The following PSMB2 variants were observed in gnomAD, a reference collection of about 807,000 sequenced individuals.
PSMB2 encodes the protein proteasome 20S subunit beta 2.
A neutral mutation model predicts 25.7 loss-of-function variants in PSMB2; 13 were observed. That is an observed-to-expected ratio of 0.51 (90% CI 0.33 to 0.80). PSMB2 has a LOEUF of 0.80. Ranked by LOEUF, PSMB2 falls within the 30% of genes least tolerant of loss-of-function variation. The pLI is 0.02. For missense variants in PSMB2, 202 were observed against 259.0 expected, an observed-to-expected ratio of 0.78 and a Z score of 1.51; for synonymous variants, 87 against 96.2, an observed-to-expected ratio of 0.90 and a Z score of 0.56.
At position 35,613,962 on chromosome 1, in the gene PSMB2, C is replaced by A. The variant is rs146654487; in HGVS notation, c.286-4554G>T. 1.2e-4 allele frequency among the ~76,000 whole-genome samples: 19 copies of A among 152,264 alleles called. No homozygotes were observed. The East Asian group carries it at 3.5e-3, about 28-fold the overall frequency. ...ACAATGCAAGTACTCAGGAGAAGCCCAACTACTTCTGGCACTGAGATACGA... is the reference window on the plus strand; with the variant it reads ...ACAATGCAAGTACTCAGGAGAAGCCAAACTACTTCTGGCACTGAGATACGA... On this transcript the variant is annotated intron_variant, in intron 3 of 5. Transcript: ENST00000373237.
chr1:35,601,596 A>G lies in PSMB2; in HGVS notation c.*1671T>C. 4.1e-6 allele frequency: 4 copies of G among 985,222 alleles called. No individual in the cohort carries two copies. The highest frequency in any genetic ancestry group is 4.8e-6 in the Non-Finnish European group (4 of 829,732). 61.0% of individuals were successfully genotyped at this position (985,222 alleles called of 1,614,324 possible). On this transcript the variant is annotated 3_prime_UTR_variant, in exon 6 of 6. Coordinates refer to ENST00000373237, the MANE Select transcript of PSMB2 (RefSeq NM_002794.5). ...AGACACCCAAATCTAATGTTAACCC[A>G]ATACTTTAATATGAACGTTATGATC...
intron 2 of PSMB2, among the ~76,000 whole-genome samples, chr1:35,635,849 A>G (rs956358399): frequency 2.6e-5 from 4 of 151,434 alleles, no homozygotes; most frequent in East Asian, 1.9e-4. Context: ...AAAAAAAAAA[A>G]AAAGAAAATA....
intron 2 of PSMB2, among the ~76,000 whole-genome samples, chr1:35,635,252 T>C (rs1484938159): frequency 2.1e-5 from 3 of 145,212 alleles, no homozygotes; most frequent in Admixed American, 6.9e-5. Flanking sequence ...AGAGTGAAAC[T>C]CCATCTCAAA....
rs1360087604 is a variant in PSMB2, at chr1:35,599,829, G to A, written c.*3438C>T. 1.5e-5 allele frequency: 15 copies of A among 984,988 alleles called. No individual in the cohort carries two copies. In the South Asian group the frequency reaches 6.1e-4, roughly 40 times the overall value. The allele number at this position is 984,988 out of a possible 1,614,324, so 61.0% of individuals were successfully genotyped here. A position where few individuals can be genotyped will look rare whatever the true frequency, so the allele number is the denominator to read the frequency against. ...GATAGGGGGTGAACCAGAGTAATGG[G>A]GATGGAGATTTATAAAGATTAGGCT... On this transcript the variant is annotated 3_prime_UTR_variant, in exon 6 of 6. Coordinates refer to ENST00000373237, the MANE Select transcript of PSMB2 (RefSeq NM_002794.5).
At chr1:35,621,617 T>G (rs187094874) in intron 3 of PSMB2, among the ~76,000 whole-genome samples, 1 of 152,352 alleles carries the variant, frequency 6.6e-6, no homozygotes, top group Admixed American at 6.5e-5. Context: ...GCCCTTTTTT[T>G]TTCATTTTTA....
intron 3 of PSMB2, among the ~76,000 whole-genome samples, chr1:35,628,592 A>AAAAAAAAAAAAAAAAAAAAT (rs1650959642): frequency 5.2e-5 from 1 of 19,074 alleles, no homozygotes; most frequent in African/African-American, 2.4e-4. Flanking sequence ...AAAAAAAAAA[A>AAAAAAAAAAAAAAAAAAAAT]AAAAATATAT....
Position 35,603,155 on chromosome 1 carries a change from C to A in PSMB2, c.*112G>T. The A allele has an allele frequency of 1.4e-6, 2 of 1,468,396 alleles. No individual in the cohort carries two copies. The highest frequency in any genetic ancestry group is 4.8e-5 in the East Asian group (2 of 41,502). 91.0% of individuals were successfully genotyped at this position (1,468,396 alleles called of 1,614,324 possible). On this transcript the variant is annotated 3_prime_UTR_variant, in exon 6 of 6. Coordinates refer to ENST00000373237, the MANE Select transcript of PSMB2 (RefSeq NM_002794.5). Reference sequence around the variant, plus strand: ...CAGAGGGCTCAATTATATCCATAGTCACCTTTATTCTGAATTAACCATTTA... The same window carrying A: ...CAGAGGGCTCAATTATATCCATAGTAACCTTTATTCTGAATTAACCATTTA...
At chr1:35,631,417 C>T in intron 2 of PSMB2, 73 bp from the exon 3 acceptor site, 5 of 1,597,258 alleles carry the variant, frequency 3.1e-6, no homozygotes, top group Non-Finnish European at 4.3e-6. Context: ...TATTCACTAC[C>T]CCTGTTCCTA....
intron 3 of PSMB2, among the ~76,000 whole-genome samples, chr1:35,622,717 A>C (rs1363995045): frequency 6.6e-6 from 1 of 151,760 alleles, no homozygotes; most frequent in African/African-American, 2.4e-5. Flanking sequence ...ACCTTCTCAC[A>C]TACAACCCCC....
At chr1:35,626,198 CAAG>C (rs1310220973) in intron 3 of PSMB2, among the ~76,000 whole-genome samples, 4 of 152,164 alleles carry the variant, frequency 2.6e-5, no homozygotes, top group African/African-American at 9.7e-5. Context: ...GTCTAACCAA[CAAG>C]AAGAGACCAT....
Position 35,600,153 on chromosome 1 carries a change from CAAT to C in PSMB2, c.*3111_*3113del. 2.0e-6 allele frequency: 2 copies of C among 976,534 alleles called. No individual in the cohort carries two copies. Among genetic ancestry groups the C allele is most frequent in the South Asian group, 4.8e-5 (1 of 21,048 alleles). The allele number at this position is 976,534 out of a possible 1,614,324, so 60.5% of individuals were successfully genotyped here. ...GCAAGACCCTGTCTCTGAAAAACAA[CAAT>C]AAAAAATTATAATAAAATTAAAAGA... On this transcript the variant is annotated 3_prime_UTR_variant, in exon 6 of 6. Transcript: ENST00000373237.
intron 3 of PSMB2, among the ~76,000 whole-genome samples, chr1:35,624,203 T>C (rs141738328): frequency 6.6e-6 from 1 of 152,250 alleles, no homozygotes; most frequent in African/African-American, 2.4e-5. Flanking sequence ...TCAAGTCTGG[T>C]TGTGGTCTTG....
chr1:35,621,841 CA>C (rs1192015558), intron 3 of PSMB2, among the ~76,000 whole-genome samples: 5 of 151,956 alleles, frequency 3.3e-5, no homozygotes, highest in Non-Finnish European at 7.4e-5. Flanking sequence ...ACTAAAAATA[CA>C]AAAATTAGCT....
At chr1:35,603,939 T>G (rs533523269) in intron 5 of PSMB2, among the ~76,000 whole-genome samples, 3 of 151,420 alleles carry the variant, frequency 2.0e-5, no homozygotes, top group Admixed American at 1.3e-4. Context: ...GGAGGATCGC[T>G]TGAGTTCCAG....
Position 35,599,788 on chromosome 1 carries a change from A to T in PSMB2, c.*3479T>A. 5 of 984,578 alleles carry T rather than the reference A, an allele frequency of 5.1e-6. No individual in the cohort carries two copies. The highest frequency in any genetic ancestry group is 6.0e-6 in the Non-Finnish European group (5 of 829,146). 61.0% of individuals were successfully genotyped at this position (984,578 alleles called of 1,614,324 possible). A position where few individuals can be genotyped will look rare whatever the true frequency, so the allele number is the denominator to read the frequency against. Reference sequence around the variant, plus strand: ...AGTAGAGTGAAGTTAGGAGGCTGTTAAATAGTCTAAGAAACGATAGGGGGT... The same window carrying T: ...AGTAGAGTGAAGTTAGGAGGCTGTTTAATAGTCTAAGAAACGATAGGGGGT... On this transcript the variant is annotated 3_prime_UTR_variant, in exon 6 of 6. Coordinates refer to ENST00000373237, the MANE Select transcript of PSMB2 (RefSeq NM_002794.5).
rs192396390 is a variant in PSMB2 at position 35,637,018 on chromosome 1, A to G, written c.92-586T>C. 2.7e-4 allele frequency among the ~76,000 whole-genome samples: 41 copies of G among 152,330 alleles called. 1 individual carries two copies. Among genetic ancestry groups the G allele is most frequent in the Non-Finnish European group, 5.3e-4 (36 of 68,026 alleles). Reference sequence around the variant, plus strand: ...GAATATACATGAAAGCTACCAATTGAAAATACAATTTAAAGCATTTAAAGG... The same window carrying G: ...GAATATACATGAAAGCTACCAATTGGAAATACAATTTAAAGCATTTAAAGG... On this transcript the variant is annotated intron_variant, in intron 1 of 5. Coordinates refer to ENST00000373237, the MANE Select transcript of PSMB2 (RefSeq NM_002794.5).
chr1:35,614,334 G>T (rs1557450077), intron 3 of PSMB2, among the ~76,000 whole-genome samples: 1 of 152,188 alleles, frequency 6.6e-6, no homozygotes, highest in African/African-American at 2.4e-5. Flanking sequence ...CTGGGGAAAT[G>T]AAAACATTAA....
At chr1:35,629,210 C>A (rs1007779661) in intron 3 of PSMB2, among the ~76,000 whole-genome samples, 7 of 152,148 alleles carry the variant, frequency 4.6e-5, no homozygotes, top group Admixed American at 3.3e-4. Flanking sequence ...TTTCCTGGCA[C>A]CCCTGTGGGG....
At chr1:35,618,691 G>C (rs1323998872) in intron 3 of PSMB2, among the ~76,000 whole-genome samples, 1 of 152,176 alleles carries the variant, frequency 6.6e-6, no homozygotes, top group Non-Finnish European at 1.5e-5. Flanking sequence ...AGAACCCAGG[G>C]CCGGTTAGGG....
Sources: allele counts gnomAD v4.1 joint callset (sites outside exome capture counted in the v4.1 genomes callset), GRCh38; gene constraint gnomAD v4.1.1; transcripts MANE v1.5; gene names NCBI Gene and HGNC (gene_info 2026-07-23, HGNC 2026-07-21).